Variants in PTPRD observed in about 807,000 individuals in gnomAD.
PTPRD encodes receptor-type tyrosine-protein phosphatase delta.
A neutral mutation model predicts 214.5 loss-of-function variants in PTPRD; 34 were observed. The observed-to-expected ratio is 0.16, with a 90% confidence interval of 0.12 to 0.21. The LOEUF (loss-of-function observed/expected upper bound fraction) is 0.21, where lower values mean the gene tolerates loss of function less well. PTPRD is among the 10% of genes least tolerant of loss of function. PTPRD has a pLI of 1.00. For missense variants in PTPRD, 2,545 were observed against 2,398.7 expected, an observed-to-expected ratio of 1.06 and a Z score of -1.27; for synonymous variants, 1,128 against 845.7, an observed-to-expected ratio of 1.33 and a Z score of -5.79.
At chr9:8,349,451 A>T (rs1318060187) in intron 39 of PTPRD, among the ~76,000 whole-genome samples, 3 of 152,154 alleles carry the variant, frequency 2.0e-5, no homozygotes, top group Non-Finnish European at 4.4e-5. Context: ...TGTACTTCTA[A>T]AAGCAAATGC....
chr9:9,511,921 A>G (rs2096719508), intron 8 of PTPRD, among the ~76,000 whole-genome samples: 1 of 151,834 alleles, frequency 6.6e-6, no homozygotes, highest in South Asian at 2.1e-4. Context: ...TAAAACTGCT[A>G]TTTGCATTCT....
At chr9:8,596,623 C>A (rs2094492065) in intron 14 of PTPRD, among the ~76,000 whole-genome samples, 1 of 151,948 alleles carries the variant, frequency 6.6e-6, no homozygotes, top group Admixed American at 6.6e-5. Context: ...TAAGGAACTG[C>A]AGGTTAATCA....
At chr9:9,996,891 AT>A (rs1234332137) in intron 4 of PTPRD, among the ~76,000 whole-genome samples, 2 of 152,222 alleles carry the variant, frequency 1.3e-5, no homozygotes, top group Non-Finnish European at 2.9e-5. Flanking sequence ...GAGTTGGCAT[AT>A]TTATATTAGA....
Position 9,125,220 on chromosome 9 carries a change from T to C in PTPRD, c.-143+58084A>G, listed in dbSNP as rs1230675241. ...CAGAGTGGGCCACTCCTAAGCAGTATGGTCAGAGAGTCTAACAAATCCCTG... is the reference window on the plus strand; with the variant it reads ...CAGAGTGGGCCACTCCTAAGCAGTACGGTCAGAGAGTCTAACAAATCCCTG... On this transcript the variant is annotated intron_variant, in intron 10 of 45. Transcript: ENST00000381196. 2.6e-5 allele frequency among the ~76,000 whole-genome samples: 4 copies of C among 152,198 alleles called. No homozygotes were observed. In the East Asian group the frequency reaches 7.7e-4, roughly 29 times the overall value.
chr9:10,234,058 G>C (rs1355146783), intron 3 of PTPRD, among the ~76,000 whole-genome samples: 1 of 151,562 alleles, frequency 6.6e-6, no homozygotes, highest in Non-Finnish European at 1.5e-5. Context: ...TTCGAGACCA[G>C]CCTGGCCAAC....
intron 14 of PTPRD, among the ~76,000 whole-genome samples, chr9:8,591,294 T>G (rs1003456190): frequency 6.6e-6 from 1 of 152,020 alleles, no homozygotes; most frequent in Non-Finnish European, 1.5e-5. Flanking sequence ...TGATTTGGAG[T>G]GGGATGGTCA....
At chr9:9,758,887 AT>A (rs2098619559) in intron 6 of PTPRD, among the ~76,000 whole-genome samples, 5 of 152,106 alleles carry the variant, frequency 3.3e-5, no homozygotes, top group Admixed American at 6.5e-5. Flanking sequence ...ATTCTTAATA[AT>A]AAAAATAAGA....
At chr9:9,326,975 T>C (rs775491799) in intron 9 of PTPRD, among the ~76,000 whole-genome samples, 1 of 152,134 alleles carries the variant, frequency 6.6e-6, no homozygotes, top group Admixed American at 6.6e-5. Flanking sequence ...TTGGGAGCAG[T>C]GTATGGCTTT....
chr9:9,853,379 GAAC>G (rs1475779029), intron 5 of PTPRD, among the ~76,000 whole-genome samples: 2 of 152,088 alleles, frequency 1.3e-5, no homozygotes, highest in African/African-American at 4.8e-5. Flanking sequence ...TACAAATGTA[GAAC>G]AACATTCTTG....
chr9:9,060,708 G>C (rs897664816), intron 10 of PTPRD, among the ~76,000 whole-genome samples: 3 of 152,040 alleles, frequency 2.0e-5, no homozygotes, highest in African/African-American at 7.2e-5. Context: ...TTTAATCAGA[G>C]AGACTGTTTC....
chr9:8,847,867 T>C (rs565449658), intron 11 of PTPRD, among the ~76,000 whole-genome samples: 1 of 152,230 alleles, frequency 6.6e-6, no homozygotes, highest in East Asian at 1.9e-4. Context: ...TCAGATAAAA[T>C]GGTATAGGGC....
At chr9:9,323,981 T>C (rs1297746908) in intron 9 of PTPRD, among the ~76,000 whole-genome samples, 1 of 152,150 alleles carries the variant, frequency 6.6e-6, no homozygotes, top group Admixed American at 6.6e-5. Flanking sequence ...AGAATGATGG[T>C]TTCCAGCTTC....
chr9:10,337,759 C>T (rs2096868678), intron 3 of PTPRD, among the ~76,000 whole-genome samples: 1 of 151,648 alleles, frequency 6.6e-6, no homozygotes, highest in African/African-American at 2.4e-5. Flanking sequence ...GACATTTTTA[C>T]AGGTGCGGGA....
At chr9:8,865,450 A>C (rs1480845638) in intron 11 of PTPRD, among the ~76,000 whole-genome samples, 1 of 152,176 alleles carries the variant, frequency 6.6e-6, no homozygotes, top group Non-Finnish European at 1.5e-5. Context: ...ATAGGAAATG[A>C]ACTGGTTGTC....
chr9:9,221,931 C>A (rs916091937), intron 9 of PTPRD, among the ~76,000 whole-genome samples: 22 of 152,168 alleles, frequency 1.4e-4, no homozygotes, highest in African/African-American at 5.3e-4. Flanking sequence ...CCTAGACCTA[C>A]TGAGTCACAA....
intron 5 of PTPRD, among the ~76,000 whole-genome samples, chr9:9,771,792 A>G (rs997317520): frequency 8.5e-5 from 13 of 152,222 alleles, no homozygotes; most frequent in African/African-American, 3.1e-4. Context: ...TAAAATTATT[A>G]TTAAATCCAA....
At chr9:9,519,967 T>C (rs915513780) in intron 8 of PTPRD, among the ~76,000 whole-genome samples, 4 of 151,990 alleles carry the variant, frequency 2.6e-5, no homozygotes, top group Non-Finnish European at 5.9e-5. Flanking sequence ...GATAGACAAA[T>C]AAAATAATGG....
chr9:10,589,416 C>T (rs1168496929), intron 2 of PTPRD, among the ~76,000 whole-genome samples: 4 of 151,532 alleles, frequency 2.6e-5, no homozygotes, highest in African/African-American at 9.8e-5. Context: ...AAGTTTCACA[C>T]ATTTGAGTCC....
At chr9:9,515,687 A>G (rs1296103975) in intron 8 of PTPRD, among the ~76,000 whole-genome samples, 8 of 151,934 alleles carry the variant, frequency 5.3e-5, no homozygotes, top group Non-Finnish European at 1.0e-4. Flanking sequence ...AAATAAAATT[A>G]TATCTATATG....
Sources: allele counts gnomAD v4.1 joint callset (sites outside exome capture counted in the v4.1 genomes callset), GRCh38; gene constraint gnomAD v4.1.1; transcripts MANE v1.5; gene names NCBI Gene and HGNC (gene_info 2026-07-23, HGNC 2026-07-21).